The following ELP4 variants were observed in gnomAD, a reference collection of about 807,000 sequenced individuals.
The protein encoded by ELP4 is elongator acetyltransferase complex subunit 4.
ELP4 carries 51 observed loss-of-function variants against 48.9 expected under a neutral mutation model. The ratio of observed to expected loss-of-function variants is 1.04; its 90% CI spans 0.83 to 1.32. The LOEUF (loss-of-function observed/expected upper bound fraction) is 1.32. Among genes scored for constraint, ELP4 ranks in the 40% most tolerant of loss-of-function variants. ELP4 has a pLI of 0.00. For synonymous variants in ELP4, 210 were observed against 189.2 expected, an observed-to-expected ratio of 1.11 and a Z score of -0.90; for missense variants, 519 against 514.6, an observed-to-expected ratio of 1.01 and a Z score of -0.08.
In ELP4 at chr11:31,520,107, A is replaced by T; in HGVS notation, c.259+16A>T. ...CTTCTAATTGGTTAGTACAAAATAC[A>T]TGCTTTGCTCTCCTCTATCATTGTT... On this transcript the variant is annotated intron_variant, in intron 2 of 9. Coordinates refer to ENST00000640961, the MANE Select transcript of ELP4 (RefSeq NM_019040.5). The T allele has an allele frequency of 6.2e-7, 1 of 1,605,230 alleles. No individual in the cohort carries two copies. The highest frequency in any genetic ancestry group is 8.5e-7 in the Non-Finnish European group (1 of 1,175,612).
chr11:31,538,444 G>A (rs1956539200), intron 2 of ELP4, among the ~76,000 whole-genome samples: 1 of 147,666 alleles, frequency 6.8e-6, no homozygotes, highest in Admixed American at 6.8e-5. Flanking sequence ...TTATAATTTT[G>A]TTTTAAATGC....
chr11:31,706,568 A>G lies in ELP4; in HGVS notation c.1143+56347A>G, dbSNP rs1160321098. ...ATTTAATTTAATATATTAAATTAATATAATTAATAATTAATGATATATTTA... is the reference window on the plus strand; with the variant it reads ...ATTTAATTTAATATATTAAATTAATGTAATTAATAATTAATGATATATTTA... On this transcript the variant is annotated intron_variant, in intron 9 of 9. Coordinates refer to ENST00000640961, the MANE Select transcript of ELP4 (RefSeq NM_019040.5). Among the ~76,000 whole-genome samples the G allele has an allele frequency of 6.1e-5, 9 of 147,952 alleles. No individual in the cohort carries two copies. In the East Asian group the frequency reaches 1.6e-3, roughly 26 times the overall value.
chr11:31,661,012 T>C (rs1945543918), intron 9 of ELP4, among the ~76,000 whole-genome samples: 1 of 152,216 alleles, frequency 6.6e-6, no homozygotes. Context: ...GTTATGTATG[T>C]ATATTTGTGA....
chr11:31,737,512 C>G (rs1947346710), intron 9 of ELP4, among the ~76,000 whole-genome samples: 1 of 151,542 alleles, frequency 6.6e-6, no homozygotes, highest in Admixed American at 6.6e-5. Flanking sequence ...GCTTCTGCAC[C>G]ACAAAGGAAG....
At chr11:31,713,302 C>G (rs1367950064) in intron 9 of ELP4, among the ~76,000 whole-genome samples, 1 of 152,148 alleles carries the variant, frequency 6.6e-6, no homozygotes, top group African/African-American at 2.4e-5. Context: ...ATGGTATAAT[C>G]TAGCAATGGT....
At chr11:31,691,651 A>G (rs895897104) in intron 9 of ELP4, among the ~76,000 whole-genome samples, 2 of 152,168 alleles carry the variant, frequency 1.3e-5, no homozygotes, top group Non-Finnish European at 1.5e-5. Context: ...ACCTTACCAA[A>G]TAGAATGGTA....
chr11:31,625,055 C>G (rs1370826424), intron 5 of ELP4, among the ~76,000 whole-genome samples: 1 of 147,168 alleles, frequency 6.8e-6, no homozygotes, highest in Non-Finnish European at 1.5e-5. Flanking sequence ...AAGAAGTATA[C>G]TCTAACAATA....
At chr11:31,604,870 A>G (rs977968419) in intron 5 of ELP4, among the ~76,000 whole-genome samples, 24 of 152,006 alleles carry the variant, frequency 1.6e-4, no homozygotes, top group African/African-American at 5.5e-4. Flanking sequence ...TTTAGCATTT[A>G]TAACTACCAT....
intron 9 of ELP4, chr11:31,714,539 A>T (rs1229383713): frequency 2.5e-6 from 1 of 397,404 alleles, no homozygotes; most frequent in Non-Finnish European, 4.4e-6. Context: ...TGGAATTTAC[A>T]TGCTGTACCA....
chr11:31,561,100 G>C (rs1350028502), intron 3 of ELP4, among the ~76,000 whole-genome samples: 3 of 152,064 alleles, frequency 2.0e-5, no homozygotes, highest in Admixed American at 2.0e-4. Context: ...TCATGCATGT[G>C]TATACATGTA....
chr11:31,510,098 T>G, intron 1 of ELP4, 91 bp downstream of exon 1: 1 of 1,214,950 alleles, frequency 8.2e-7, no homozygotes, highest in South Asian at 1.3e-5. Context: ...CATCTCTTTC[T>G]GACCCCTAAA....
At chr11:31,656,452 C>G (rs1360451010) in intron 9 of ELP4, among the ~76,000 whole-genome samples, 1 of 151,890 alleles carries the variant, frequency 6.6e-6, no homozygotes. Flanking sequence ...GGATATGAAA[C>G]TTATAATTAG....
chr11:31,731,403 C>T (rs1203934663), intron 9 of ELP4, among the ~76,000 whole-genome samples: 1 of 151,984 alleles, frequency 6.6e-6, no homozygotes, highest in Non-Finnish European at 1.5e-5. Context: ...AGTGCAATAA[C>T]TAAACTTTTA....
At chr11:31,578,301 A>G (rs975915307) in intron 3 of ELP4, among the ~76,000 whole-genome samples, 1 of 152,236 alleles carries the variant, frequency 6.6e-6, no homozygotes, top group Non-Finnish European at 1.5e-5. Flanking sequence ...AATACAAACA[A>G]ATGGAAGAAC....
At chr11:31,584,210 T>C (rs1004634409) in intron 3 of ELP4, among the ~76,000 whole-genome samples, 1 of 151,920 alleles carries the variant, frequency 6.6e-6, no homozygotes, top group Non-Finnish European at 1.5e-5. Context: ...TTTATAATAT[T>C]TTATTAAAAT....
At chr11:31,664,160 C>G (rs1251868749) in intron 9 of ELP4, 1 of 152,046 alleles carries the variant, frequency 6.6e-6, no homozygotes, top group Non-Finnish European at 1.5e-5. Flanking sequence ...TTATAATAAA[C>G]AGATTACTCC....
chr11:31,579,248 C>G (rs963652929), intron 3 of ELP4, among the ~76,000 whole-genome samples: 5 of 152,162 alleles, frequency 3.3e-5, no homozygotes, highest in African/African-American at 9.7e-5. Context: ...CCATCTCACA[C>G]CAGTTAGAAT....
chr11:31,666,151 G>A (rs961129377), intron 9 of ELP4, among the ~76,000 whole-genome samples: 3 of 151,304 alleles, frequency 2.0e-5, no homozygotes, highest in African/African-American at 7.3e-5. Flanking sequence ...TGGGATTACA[G>A]GAGTGGGCTA....
At chr11:31,530,960 G>A (rs1409664799) in intron 2 of ELP4, among the ~76,000 whole-genome samples, 1 of 152,118 alleles carries the variant, frequency 6.6e-6, no homozygotes, top group African/African-American at 2.4e-5. Flanking sequence ...AATTACATTT[G>A]CTTTTTGGCA....
Sources: gnomAD v4.1 joint callset for allele counts (sites outside exome capture counted in the v4.1 genomes callset) on GRCh38, gnomAD v4.1.1 for gene constraint, MANE v1.5 for transcripts, NCBI Gene and HGNC (gene_info 2026-07-23, HGNC 2026-07-21) for gene names.